Variants in SMARCD1 observed in about 807,000 individuals in gnomAD.
SMARCD1 encodes the protein SWI/SNF related BAF chromatin remodeling complex subunit D1.
Under a neutral mutation model 70.8 loss-of-function variants are expected in SMARCD1, and 16 were observed. The observed-to-expected ratio is 0.23, with a 90% CI of 0.15 to 0.34. The LOEUF (loss-of-function observed/expected upper bound fraction) is 0.34, where lower values mean the gene tolerates loss of function less well. Among genes scored for constraint, SMARCD1 ranks in the 10% least tolerant of loss-of-function variants. SMARCD1 has a pLI of 1.00. For missense variants in SMARCD1, 409 were observed against 655.5 expected, an observed-to-expected ratio of 0.62 and a Z score of 4.11; for synonymous variants, 249 against 246.0, an observed-to-expected ratio of 1.01 and a Z score of -0.11.
chr12:50,088,619 A>G lies in SMARCD1; in HGVS notation c.753A>G (p.Pro251=). The G allele has an allele frequency of 6.3e-7, 1 of 1,593,296 alleles. No homozygotes were observed. The highest frequency in any genetic ancestry group is 1.3e-5 in the African/African-American group (1 of 74,494). Residue 251 remains proline (P), a synonymous_variant, in exon 6 of 13, where the codon CCA becomes CCG. Coordinates refer to ENST00000394963, the MANE Select transcript of SMARCD1 (RefSeq NM_003076.5). ...VIELDKDLYG[P]DNHLVEWHRT... is the part of the protein sequence containing the mutation. ...AACTGGACAAAGACCTGTATGGGCC[A>G]GACAACCATCTGGTAGAAGTGAGTA...
In SMARCD1 at chr12:50,097,047, G is replaced by A. The variant is rs1950899027; in HGVS notation, c.1392+75G>A. 82 of 1,404,756 alleles carry A rather than the reference G, an allele frequency of 5.8e-5. 3 individuals are homozygous for A. The South Asian group carries it at 1.1e-3, about 19-fold the overall frequency. 87.0% of individuals were successfully genotyped at this position (1,404,756 alleles called of 1,614,324 possible). ...AGCTGCTTTATTCATGTAGCAGCTG[G>A]TAGGAGACCCAGAGGAAGGAGTGAG... On this transcript the variant is annotated intron_variant, in intron 11 of 12. Transcript: ENST00000394963.
rs1950787556 is a variant in SMARCD1 at position 50,086,192 on chromosome 12, C to T, written c.209C>T (p.Thr70Ile). 6.3e-7 allele frequency: 1 copy of T among 1,579,742 alleles called. No individual in the cohort carries two copies. Among genetic ancestry groups the T allele is most frequent in the Non-Finnish European group, 8.6e-7 (1 of 1,161,188 alleles). The change falls in exon 2 of 13, where the codon ACA becomes ATA. Residue 70 changes from threonine (T) to isoleucine (I), a missense_variant. Thr to Ile is a moderately conservative substitution (Grantham distance 89). Around this residue, in one of 2 missense-constraint regions of SMARCD1, gnomAD observed 140 missense variants for 156.9 expected, o/e 0.89. Coordinates refer to ENST00000394963, the MANE Select transcript of SMARCD1 (RefSeq NM_003076.5). The stretch of plus-strand genomic sequence containing the variant: ...GGTATGTTGCCAGGCAGCCGAATGA[C>T]ACCTCAGGGACCTTCCATGGGACCC... ...RPGMLPGSRM[T>I]PQGPSMGPPG... is the part of the protein sequence containing the mutation.
At chr12:50,096,782 C>T in intron 10 of SMARCD1, 68 bp from the exon 11 acceptor site, 1 of 1,501,414 alleles carries the variant, frequency 6.7e-7, no homozygotes, top group Non-Finnish European at 9.1e-7. Context: ...AGTTGTCAGG[C>T]ACCACCTGCC....
At chr12:50,093,711 G>A (rs1346675260) in intron 9 of SMARCD1, among the ~76,000 whole-genome samples, 1 of 152,010 alleles carries the variant, frequency 6.6e-6, no homozygotes, top group African/African-American at 2.4e-5. Flanking sequence ...CAAACTCGTG[G>A]GCTCAAGCAG....
At position 50,094,702 on chromosome 12, in the gene SMARCD1, T is replaced by C. The variant is rs547976641; in HGVS notation, c.1269+130T>C. The C allele has an allele frequency of 4.8e-6, 4 of 839,474 alleles. No individual in the cohort carries two copies. The South Asian group carries it at 7.2e-5, about 15-fold the overall frequency. 52.0% of individuals were successfully genotyped at this position (839,474 alleles called of 1,614,324 possible). On this transcript the variant is annotated intron_variant, in intron 10 of 12. Coordinates refer to ENST00000394963, the MANE Select transcript of SMARCD1 (RefSeq NM_003076.5). ...ATATGTCAGGTACTGTGCTTGGTGC[T>C]GGTTTGAGCCAGACTCAAATGAATT...
rs1305633161 is a variant in SMARCD1, at chr12:50,099,161, A to G, written c.*161A>G. ...AAGAGGGTCTCACAAGACACCTGTTATCCTCTTCTTTCACCCTATCTCTTC... is the reference window on the plus strand; with the variant it reads ...AAGAGGGTCTCACAAGACACCTGTTGTCCTCTTCTTTCACCCTATCTCTTC... On this transcript the variant is annotated 3_prime_UTR_variant, in exon 13 of 13. Transcript: ENST00000394963. 7.5e-6 allele frequency: 5 copies of G among 664,322 alleles called. No individual in the cohort carries two copies. In the African/African-American group the frequency reaches 9.0e-5, roughly 12 times the overall value. The allele number at this position is 664,322 out of a possible 1,614,324, so 41.2% of individuals were successfully genotyped here.
At chr12:50,087,601 A>G (rs1397654051) in intron 5 of SMARCD1, 116 bp downstream of exon 5, 9 of 1,238,910 alleles carry the variant, frequency 7.3e-6, no homozygotes, top group Admixed American at 6.3e-5. Context: ...GGGAGCAGTA[A>G]GGAGAGGGAC....
chr12:50,088,102 C>A, intron 5 of SMARCD1: 2 of 523,764 alleles, frequency 3.8e-6, no homozygotes, highest in East Asian at 3.2e-5. Flanking sequence ...TCAGAGCCTC[C>A]TTCTCTATAT....
intron 10 of SMARCD1, 104 bp from the exon 11 acceptor site, chr12:50,096,746 G>A (rs972762996): frequency 9.6e-7 from 1 of 1,038,306 alleles, no homozygotes; most frequent in African/African-American, 1.6e-5. Context: ...GGGCAGCATG[G>A]TGACTAGGTT....
intron 9 of SMARCD1, among the ~76,000 whole-genome samples, chr12:50,092,829 G>GGCAAC (rs1950858606): frequency 6.6e-6 from 1 of 152,030 alleles, no homozygotes; most frequent in African/African-American, 2.4e-5. Flanking sequence ...TTGAGTCCTG[G>GGCAAC]AGTTCGAGTC....
chr12:50,090,156 A>G (rs1950828230), intron 7 of SMARCD1, 85 bp from the exon 8 acceptor site: 6 of 1,424,938 alleles, frequency 4.2e-6, no homozygotes, highest in African/African-American at 2.8e-5. Flanking sequence ...AAAAAGCACT[A>G]CATTATTTGT....
chr12:50,095,692 G>T (rs1368566370), intron 10 of SMARCD1, among the ~76,000 whole-genome samples: 1 of 152,214 alleles, frequency 6.6e-6, no homozygotes, highest in Non-Finnish European at 1.5e-5. Flanking sequence ...AGTGCTGGGG[G>T]CATAGGAGGC....
chr12:50,094,501 T>G lies in SMARCD1; in HGVS notation c.1198T>G (p.Leu400Val). Residue 400 changes from leucine to valine, a missense_variant, in exon 10 of 13, where the codon TTG becomes GTG. Coordinates refer to ENST00000394963, the MANE Select transcript of SMARCD1 (RefSeq NM_003076.5). Reference sequence around the variant, plus strand: ...CATTGATGTTGAAGTGGATGACACCTTGAAGACCCAGATGAATTCTTTTCT... The same window carrying G: ...CATTGATGTTGAAGTGGATGACACCGTGAAGACCCAGATGAATTCTTTTCT... ...YDIDVEVDDT[L>V]KTQMNSFLLS... The G allele has an allele frequency of 6.2e-7, 1 of 1,614,014 alleles. No individual in the cohort carries two copies. The highest frequency in any genetic ancestry group is 8.5e-7 in the Non-Finnish European group (1 of 1,179,872).
In SMARCD1 at chr12:50,094,379, G is replaced by T. The variant is rs1435369152; in HGVS notation, c.1134-58G>T. ...CATCCTGGGTCATCTTTTTGACCCT[G>T]TGTAATTAGGTCTTAGGGGACAAGC... On this transcript the variant is annotated intron_variant, in intron 9 of 12. Coordinates refer to ENST00000394963, the MANE Select transcript of SMARCD1 (RefSeq NM_003076.5). 4.5e-6 allele frequency: 7 copies of T among 1,548,906 alleles called. No homozygotes were observed. In the Middle Eastern group the frequency reaches 5.2e-4, roughly 114 times the overall value.
rs118072338 is a variant in SMARCD1 at position 50,096,115 on chromosome 12, G to A, written c.1270-735G>A. Among the ~76,000 whole-genome samples, 198 of 152,290 alleles carry A rather than the reference G, an allele frequency of 1.3e-3. 4 individuals are homozygous for A. In the East Asian group the frequency reaches 0.028, roughly 22 times the overall value. On this transcript the variant is annotated intron_variant, in intron 10 of 12. Coordinates refer to ENST00000394963, the MANE Select transcript of SMARCD1 (RefSeq NM_003076.5). ...GTTGAGGCCCTAAATTTACAGTCCC[G>A]ACAGTGAGGGTGGAGATAAGTAGAT...
At chr12:50,092,588 A>G (rs1415762546) in intron 9 of SMARCD1, among the ~76,000 whole-genome samples, 4 of 151,774 alleles carry the variant, frequency 2.6e-5, no homozygotes, top group Non-Finnish European at 5.9e-5. Context: ...GGAAAAAAAG[A>G]AAAAAGATAA....
chr12:50,086,873 A>T lies in SMARCD1; in HGVS notation c.526A>T (p.Ile176Phe). The T allele has an allele frequency of 6.2e-7, 1 of 1,614,166 alleles. No homozygotes were observed. ...TATCCAAGAGGCCTTGAAACGTCCCATCAAGGTAACACAGGAAAGTACTAG... is the reference window on the plus strand; with the variant it reads ...TATCCAAGAGGCCTTGAAACGTCCCTTCAAGGTAACACAGGAAAGTACTAG... Reference protein sequence around the residue: ...LDIQEALKRPIKQKRKLRIFI... With the variant: ...LDIQEALKRPFKQKRKLRIFI... The change falls in exon 4 of 13, where the codon ATC becomes TTC. Residue 176 changes from isoleucine (I) to phenylalanine (F), a missense_variant. Around this residue, in one of 2 missense-constraint regions of SMARCD1, gnomAD observed 269 missense variants for 498.6 expected, o/e 0.54. Transcript: ENST00000394963.
At position 50,096,691 on chromosome 12, in the gene SMARCD1, C is replaced by T. The variant is rs369269085; in HGVS notation, c.1270-159C>T. On this transcript the variant is annotated intron_variant, in intron 10 of 12. Coordinates refer to ENST00000394963, the MANE Select transcript of SMARCD1 (RefSeq NM_003076.5). The stretch of plus-strand genomic sequence containing the variant: ...GGGCAAATTACTTGCTGAAAGAATG[C>T]CAAGGGTCGGAGCAGTTGGAGCTCT... 1.2e-5 allele frequency: 7 copies of T among 594,364 alleles called. No homozygotes were observed. In the South Asian group the frequency reaches 1.6e-4, roughly 14 times the overall value. The allele number at this position is 594,364 out of a possible 1,614,324, so 36.8% of individuals were successfully genotyped here. A position where few individuals can be genotyped will look rare whatever the true frequency, so the allele number is the denominator to read the frequency against.
Position 50,085,448 on chromosome 12 carries a change from G to T in SMARCD1, c.79G>T (p.Ala27Ser). Residue 27 changes from alanine (A) to serine (S), a missense_variant, in exon 1 of 13, where the codon GCC (alanine) becomes TCC (serine). Transcript: ENST00000394963. ...GASGGAGAAAALGPGGTPGPP... is the reference protein window; with the variant it reads ...GASGGAGAAASLGPGGTPGPP... ...CTCAGGAGGGGCGGGCGCGGCTGCT[G>T]CCTTGGGCCCGGGCGGAACTCCGGG... is the stretch of plus-strand genomic sequence containing the variant. The T allele has an allele frequency of 8.1e-7, 1 of 1,239,808 alleles. No homozygotes were observed. Among genetic ancestry groups the T allele is most frequent in the Non-Finnish European group, 1.0e-6 (1 of 992,790 alleles). 76.8% of individuals were successfully genotyped at this position (1,239,808 alleles called of 1,614,324 possible).
Sources: allele counts gnomAD v4.1 joint callset (sites outside exome capture counted in the v4.1 genomes callset), GRCh38; gene constraint gnomAD v4.1.1; regional missense constraint gnomAD v4.1.1; transcripts MANE v1.5; gene names NCBI Gene and HGNC (gene_info 2026-07-23, HGNC 2026-07-21).